DSG1: variants seen among roughly 807,000 people sequenced by gnomAD.
The protein encoded by DSG1 is desmoglein 1.
DSG1 carries 39 observed loss-of-function variants against 97.5 expected under a neutral mutation model. The observed-to-expected ratio is 0.40, with a 90% CI of 0.31 to 0.52. The LOEUF is 0.52. DSG1 is among the 20% of genes least tolerant of loss of function. The pLI, the probability that DSG1 is intolerant of heterozygous loss-of-function variation, is 0.53. For synonymous variants in DSG1, 475 were observed against 443.4 expected (o/e 1.07, Z -0.90); for missense variants, 1,311 against 1,295.4 (o/e 1.01, Z -0.18).
rs779154539 is a variant in DSG1, at chr18:31,336,394, T to C, written c.1046T>C (p.Ile349Thr). Residue 349 changes from isoleucine to threonine, a missense_variant, in exon 9 of 15, where the codon ATT becomes ACT. Around this residue, in one of 3 missense-constraint regions of DSG1, gnomAD observed 1,038 missense variants for 964.6 expected, o/e 1.08. Coordinates refer to ENST00000257192, the MANE Select transcript of DSG1 (RefSeq NM_001942.4). ...GCTATGCAGAGTCTGCAACTCAGTA[T>C]TGGTGTCAGAAATAAAGCTGAATTT... ...YEAMQSLQLS[I>T]GVRNKAEFHH... 2.2e-5 allele frequency: 36 copies of C among 1,613,752 alleles called. No homozygotes were observed. Among genetic ancestry groups the C allele is most frequent in the Middle Eastern group, 3.3e-4 (2 of 6,080 alleles).
At chr18:31,323,955 T>C (rs1284911196) in intron 1 of DSG1, among the ~76,000 whole-genome samples, 1 of 150,766 alleles carries the variant, frequency 6.6e-6, no homozygotes, top group Non-Finnish European at 1.5e-5. Flanking sequence ...CTTCTCTCTT[T>C]CGCCACTCCT....
At position 31,326,878 on chromosome 18, in the gene DSG1, G is replaced by C. The variant is rs1014740513; in HGVS notation, c.89G>C (p.Arg30Thr). Residue 30 changes from arginine to threonine, a missense_variant, in exon 3 of 15, where the codon AGA becomes ACA. Physicochemically the swap from Arg to Thr is moderately conservative, Grantham distance 71. Around this residue, in one of 3 missense-constraint regions of DSG1, gnomAD observed 259 missense variants for 304.1 expected, o/e 0.85. Transcript: ENST00000257192. ...EVNSEFRIQV[R>T]DYNTKNGTIK... is the part of the protein sequence containing the mutation. ...TCTTTATTGCTGTCATTTAAGGTAA[G>C]AGATTATAACACTAAAAATGGCACC... is the stretch of plus-strand genomic sequence containing the variant. The C allele has an allele frequency of 1.2e-6, 2 of 1,613,400 alleles. No individual in the cohort carries two copies. Among genetic ancestry groups the C allele is most frequent in the African/African-American group, 2.7e-5 (2 of 74,836 alleles).
intron 1 of DSG1, among the ~76,000 whole-genome samples, chr18:31,324,981 G>C (rs997566468): frequency 1.3e-5 from 2 of 152,208 alleles, no homozygotes; most frequent in Non-Finnish European, 2.9e-5. Context: ...TTTTACAAGT[G>C]AGAAAACTAA....
rs751208754 is a variant in DSG1, at chr18:31,354,376, G to A, written c.2180G>A (p.Gly727Asp). 2 of 1,614,178 alleles carry A rather than the reference G, an allele frequency of 1.2e-6. No homozygotes were observed. The highest frequency in any genetic ancestry group is 3.3e-5 in the Admixed American group (2 of 60,030). The change falls in exon 15 of 15, where the codon GGT becomes GAT. Residue 727 changes from glycine to aspartate, a missense_variant. Coordinates refer to ENST00000257192, the MANE Select transcript of DSG1 (RefSeq NM_001942.4). ...CTCATATATGACATCGAAGGTGTAG[G>A]TTCCCCTGCTGGCTCTGTGGGTTGT... is the stretch of plus-strand genomic sequence containing the variant. ...CLLIYDIEGV[G>D]SPAGSVGCCS...
chr18:31,336,230 TTG>T, intron 8 of DSG1, 122 bp from the exon 9 acceptor site: 1 of 781,626 alleles, frequency 1.3e-6, no homozygotes, highest in South Asian at 1.9e-5. Flanking sequence ...GATTGTGTAT[TTG>T]TGTGCATTTG....
At chr18:31,320,036 C>T (rs1401015089) in intron 1 of DSG1, among the ~76,000 whole-genome samples, 1 of 151,992 alleles carries the variant, frequency 6.6e-6, no homozygotes, top group African/African-American at 2.4e-5. Flanking sequence ...TCATGAATTA[C>T]AATGTTTCAT....
At chr18:31,338,502 T>C in intron 10 of DSG1, 48 bp downstream of exon 10, 1 of 1,582,030 alleles carries the variant, frequency 6.3e-7, no homozygotes, top group Non-Finnish European at 8.7e-7. Context: ...AAGCTGTATA[T>C]ACCTTAAGAT....
chr18:31,343,418 TAA>T, intron 11 of DSG1, 30 bp from the exon 12 acceptor site: 2 of 1,614,076 alleles, frequency 1.2e-6, no homozygotes, highest in Non-Finnish European at 1.7e-6. Context: ...CACCCAGTGC[TAA>T]CTCTAGTATT....
At chr18:31,323,976 CTTTTTTTTTT>C (rs1203163479) in intron 1 of DSG1, among the ~76,000 whole-genome samples, 1 of 94,964 alleles carries the variant, frequency 1.1e-5, no homozygotes, top group Non-Finnish European at 2.0e-5. Context: ...TCTCTCCTTC[CTTTTTTTTTT>C]TTTTTTTTTT....
chr18:31,353,843 C>A, intron 14 of DSG1: 1 of 214,878 alleles, frequency 4.7e-6, no homozygotes, highest in Non-Finnish European at 9.2e-6. Flanking sequence ...GCACAGTGGA[C>A]GCACCCACTG....
At chr18:31,336,267 G>GA (rs74277377) in intron 8 of DSG1, 87 bp from the exon 9 acceptor site, 251 of 1,197,246 alleles carry the variant, frequency 2.1e-4, no homozygotes, top group Non-Finnish European at 2.5e-4. Flanking sequence ...AAGATAATAA[G>GA]TTTTTTTTGC....
In DSG1 at chr18:31,346,195, T is replaced by C; in HGVS notation, c.2097T>C (p.Cys699=). 2 of 1,613,030 alleles carry C rather than the reference T, an allele frequency of 1.2e-6. No individual in the cohort carries two copies. Among genetic ancestry groups the C allele is most frequent in the Non-Finnish European group, 1.7e-6 (2 of 1,179,042 alleles). The part of the protein sequence containing the change: ...LNMNFMESYF[C]QKAYAYADED... Reference sequence around the variant, plus strand: ...TGAATTTCATGGAAAGCTACTTCTGTCAGGTAAGGTCCCTAGCCACATGCC... The same window carrying C: ...TGAATTTCATGGAAAGCTACTTCTGCCAGGTAAGGTCCCTAGCCACATGCC... The change falls in exon 14 of 15, where the codon TGT becomes TGC. Residue 699 remains cysteine (C), a synonymous_variant. Transcript: ENST00000257192.
intron 1 of DSG1, among the ~76,000 whole-genome samples, chr18:31,325,322 G>C (rs1424663624): frequency 6.6e-6 from 1 of 152,140 alleles, no homozygotes; most frequent in Non-Finnish European, 1.5e-5. Flanking sequence ...CAAACAGCAA[G>C]CACTGGCGCT....
At chr18:31,353,015 A>T (rs1209655519) in intron 14 of DSG1, among the ~76,000 whole-genome samples, 1 of 149,888 alleles carries the variant, frequency 6.7e-6, no homozygotes, top group East Asian at 1.9e-4. Flanking sequence ...GCTGGTGAGG[A>T]ACTGCGTTCC....
intron 9 of DSG1, among the ~76,000 whole-genome samples, chr18:31,337,857 T>G (rs139463235): frequency 2.0e-5 from 3 of 152,320 alleles, no homozygotes; most frequent in Non-Finnish European, 4.4e-5. Context: ...AAAGAGGTCT[T>G]GTCAAGTTCC....
At chr18:31,347,025 G>A (rs569197817) in intron 14 of DSG1, among the ~76,000 whole-genome samples, 34 of 152,214 alleles carry the variant, frequency 2.2e-4, no homozygotes, top group African/African-American at 7.2e-4. Flanking sequence ...ATTGTCCATG[G>A]TTACACATCA....
At chr18:31,335,649 T>A (rs1426744826) in intron 8 of DSG1, among the ~76,000 whole-genome samples, 1 of 151,710 alleles carries the variant, frequency 6.6e-6, no homozygotes, top group Non-Finnish European at 1.5e-5. Context: ...ATGCGTGAAA[T>A]TCTATTTTTA....
rs1411440944 is a variant in DSG1 at position 31,354,370 on chromosome 18, G to C, written c.2174G>C (p.Gly725Ala). ...TGTTTGCTCATATATGACATCGAAG[G>C]TGTAGGTTCCCCTGCTGGCTCTGTG... ...NDCLLIYDIE[G>A]VGSPAGSVGC... Residue 725 changes from glycine (G) to alanine (A), a missense_variant, in exon 15 of 15, where the codon GGT becomes GCT. By Grantham distance (60) the Gly-to-Ala change is moderately conservative. Coordinates refer to ENST00000257192, the MANE Select transcript of DSG1 (RefSeq NM_001942.4). 1.2e-6 allele frequency: 2 copies of C among 1,614,194 alleles called. No individual in the cohort carries two copies. Among genetic ancestry groups the C allele is most frequent in the Non-Finnish European group, 1.7e-6 (2 of 1,180,032 alleles).
chr18:31,344,098 G>A (rs2071811413), intron 13 of DSG1, 103 bp downstream of exon 13: 1 of 857,290 alleles, frequency 1.2e-6, no homozygotes, highest in East Asian at 2.7e-5. Flanking sequence ...CTTCAAAAGT[G>A]TTTATATCAT....
Sources: allele counts gnomAD v4.1 joint callset (sites outside exome capture counted in the v4.1 genomes callset), GRCh38; gene constraint gnomAD v4.1.1; regional missense constraint gnomAD v4.1.1; transcripts MANE v1.5; gene names NCBI Gene and HGNC (gene_info 2026-07-23, HGNC 2026-07-21).